The following SETD3 variants were observed in gnomAD, a reference collection of about 807,000 sequenced individuals.
SETD3 encodes SET domain containing 3, actin N3(tau)-histidine methyltransferase.
SETD3 carries 19 observed loss-of-function variants against 63.0 expected under a neutral mutation model. The observed-to-expected ratio is 0.30, with a 90% CI of 0.21 to 0.44. SETD3 has a LOEUF of 0.44. SETD3 is among the 20% of genes least tolerant of loss of function. The probability of loss-of-function intolerance (pLI) is 1.00; values close to 1 mark genes in which losing one functional copy is unlikely to be tolerated. For missense variants in SETD3, 587 were observed against 728.5 expected, an observed-to-expected ratio of 0.81 and a Z score of 2.24; for synonymous variants, 286 against 264.1, an observed-to-expected ratio of 1.08 and a Z score of -0.80.
At chr14:99,486,224 A>G in the SETD3 span, among the ~76,000 whole-genome samples, 1 of 152,328 alleles carries the variant, frequency 6.6e-6, no homozygotes, top group Admixed American at 6.5e-5. Context: ...TTTGTTTTGC[A>G]ACAAAGGATG....
At chr14:99,482,009 G>A (rs895461152), upstream of SETD3, among the ~76,000 whole-genome samples, 3 of 152,176 alleles carry the variant, frequency 2.0e-5, no homozygotes, top group East Asian at 3.9e-4. Flanking sequence ...CCCAGACATC[G>A]TCTTTACGGA....
intron 10 of SETD3, 103 bp from the exon 11 acceptor site, chr14:99,404,413 G>C: frequency 9.9e-7 from 1 of 1,013,082 alleles, no homozygotes; most frequent in East Asian, 2.5e-5. Context: ...TCCTCAAGGA[G>C]AGCTGAGCTG....
intron 6 of SETD3, among the ~76,000 whole-genome samples, chr14:99,418,087 G>C (rs945393673): frequency 3.9e-5 from 6 of 152,144 alleles, no homozygotes; most frequent in Admixed American, 1.3e-4. Context: ...GTTGCTCATA[G>C]AAATGACTCT....
At chr14:99,409,813 C>T in intron 8 of SETD3, 1 of 158,348 alleles carries the variant, frequency 6.3e-6, no homozygotes, top group South Asian at 2.0e-4. Flanking sequence ...ATCACGTTAA[C>T]ATTTTGGTTT....
chr14:99,404,478 C>A (rs1282429483), intron 10 of SETD3, among the ~76,000 whole-genome samples, 168 bp from the exon 11 acceptor site: 1 of 152,184 alleles, frequency 6.6e-6, no homozygotes, highest in Non-Finnish European at 1.5e-5. Flanking sequence ...TCAGCCCCTG[C>A]AAAAGGCCGC....
intron 12 of SETD3, among the ~76,000 whole-genome samples, chr14:99,399,427 C>T (rs1467694668): frequency 7.0e-6 from 1 of 143,010 alleles, no homozygotes; most frequent in African/African-American, 2.5e-5. Flanking sequence ...TAAAAATCAT[C>T]CTGTCTATCT....
chr14:99,399,999 C>T lies in SETD3; in HGVS notation c.1338+100G>A, dbSNP rs573180963. On this transcript the variant is annotated intron_variant, in intron 12 of 12. Coordinates refer to ENST00000331768, the MANE Select transcript of SETD3 (RefSeq NM_032233.3). ...TCGTGATCCGCCCCGCCTCGACCTC[C>T]CAAAGTGCTGGGATTACAGGCGTGA... The T allele has an allele frequency of 3.1e-5, 35 of 1,141,120 alleles. No individual in the cohort carries two copies. The South Asian group carries it at 5.4e-4, about 18-fold the overall frequency. 70.7% of individuals were successfully genotyped at this position (1,141,120 alleles called of 1,614,324 possible).
At chr14:99,406,149 C>T (rs542458591) in intron 9 of SETD3, among the ~76,000 whole-genome samples, 98 of 152,190 alleles carry the variant, frequency 6.4e-4, no homozygotes, top group Middle Eastern at 3.4e-3. Flanking sequence ...TTATAAAGTT[C>T]TAATCAGTAG....
At chr14:99,419,547 G>A (rs1282057035) in intron 6 of SETD3, among the ~76,000 whole-genome samples, 7 of 152,062 alleles carry the variant, frequency 4.6e-5, no homozygotes, top group South Asian at 2.1e-4. Context: ...AGGCCGAAGC[G>A]GGCGGATCAC....
At chr14:99,415,114 A>G (rs934785619) in intron 6 of SETD3, among the ~76,000 whole-genome samples, 2 of 152,250 alleles carry the variant, frequency 1.3e-5, no homozygotes, top group Non-Finnish European at 2.9e-5. Flanking sequence ...TAGTTTTGCT[A>G]AAGTTCCTTC....
At chr14:99,469,692 G>T (rs983655744) in intron 1 of SETD3, among the ~76,000 whole-genome samples, 1 of 152,256 alleles carries the variant, frequency 6.6e-6, no homozygotes, top group East Asian at 1.9e-4. Context: ...GCTGCAATGA[G>T]CTGTGATGGC....
At chr14:99,472,349 A>G (rs1329852260) in intron 1 of SETD3, among the ~76,000 whole-genome samples, 2 of 152,194 alleles carry the variant, frequency 1.3e-5, no homozygotes, top group Non-Finnish European at 2.9e-5. Flanking sequence ...TTCACCCAAT[A>G]TTGCCTTCTT....
intron 6 of SETD3, among the ~76,000 whole-genome samples, chr14:99,430,946 A>C (rs1253164001): frequency 6.6e-6 from 1 of 152,240 alleles, no homozygotes; most frequent in African/African-American, 2.4e-5. Flanking sequence ...AAAAGTAACA[A>C]TGAACACTGA....
In SETD3 at chr14:99,405,460, T is replaced by C; in HGVS notation, c.925-89A>G. 3 of 1,370,642 alleles carry C rather than the reference T, an allele frequency of 2.2e-6. No individual in the cohort carries two copies. The South Asian group carries it at 4.3e-5, about 20-fold the overall frequency. 84.9% of individuals were successfully genotyped at this position (1,370,642 alleles called of 1,614,324 possible). Reference sequence around the variant, plus strand: ...GGGCAGGGCAGAGGCTTAGTGCTACTTTACATTTAGACACTAAATAGCTGA... The same window carrying C: ...GGGCAGGGCAGAGGCTTAGTGCTACCTTACATTTAGACACTAAATAGCTGA... On this transcript the variant is annotated intron_variant, in intron 9 of 12. Coordinates refer to ENST00000331768, the MANE Select transcript of SETD3 (RefSeq NM_032233.3).
intron 6 of SETD3, among the ~76,000 whole-genome samples, chr14:99,453,169 C>G (rs1894559305): frequency 1.3e-5 from 2 of 152,150 alleles, no homozygotes; most frequent in Admixed American, 1.3e-4. Flanking sequence ...CTAAAAGGAG[C>G]AAAGGCCTAA....
Position 99,438,959 on chromosome 14 carries a change from CAT to C in SETD3, c.675+19318_675+19319del, listed in dbSNP as rs571569991. 3.9e-5 allele frequency among the ~76,000 whole-genome samples: 6 copies of C among 152,342 alleles called. No individual in the cohort carries two copies. The East Asian group carries it at 9.6e-4, about 24-fold the overall frequency. On this transcript the variant is annotated intron_variant, in intron 6 of 12. Transcript: ENST00000331768. ...CAGAAGAATGATTGTACTTAAAAAA[CAT>C]ATTTATATTCATGATAGCTCAGCTA...
chr14:99,449,321 A>G (rs563197538), intron 6 of SETD3, among the ~76,000 whole-genome samples: 15 of 152,326 alleles, frequency 9.8e-5, no homozygotes, highest in African/African-American at 3.6e-4. Context: ...GAGAAACAGG[A>G]CATTTGCATA....
At chr14:99,461,538 A>C (rs1895061846) in intron 3 of SETD3, among the ~76,000 whole-genome samples, 198 bp from the exon 4 acceptor site, 1 of 152,066 alleles carries the variant, frequency 6.6e-6, no homozygotes, top group Non-Finnish European at 1.5e-5. Flanking sequence ...AAAATCCTAA[A>C]CTCCCTGTCA....
chr14:99,472,456 C>A (rs578105305), intron 1 of SETD3, among the ~76,000 whole-genome samples: 2 of 152,160 alleles, frequency 1.3e-5, no homozygotes, highest in African/African-American at 2.4e-5. Context: ...CTGTTATATA[C>A]CGTGAATAAT....
Sources: allele counts gnomAD v4.1 joint callset (sites outside exome capture counted in the v4.1 genomes callset), GRCh38; gene constraint gnomAD v4.1.1; transcripts MANE v1.5; gene names NCBI Gene and HGNC (gene_info 2026-07-23, HGNC 2026-07-21).